Variants in MAP3K4 observed in about 807,000 individuals in gnomAD.
MAP3K4 encodes MAP three kinase 1.
A neutral mutation model predicts 185.6 loss-of-function variants in MAP3K4; 67 were observed. That is an observed-to-expected ratio of 0.36 (90% CI 0.30 to 0.44). The LOEUF is 0.44. Among genes scored for constraint, MAP3K4 ranks in the 20% least tolerant of loss-of-function variants. The pLI is 1.00. For synonymous variants in MAP3K4, 702 were observed against 710.4 expected, an observed-to-expected ratio of 0.99 and a Z score of 0.19; for missense variants, 1,551 against 1,995.1, an observed-to-expected ratio of 0.78 and a Z score of 4.24.
Position 161,088,340 on chromosome 6 carries a change from C to G in MAP3K4, c.2823+386C>G, listed in dbSNP as rs1785845125. Among the ~76,000 whole-genome samples the G allele has an allele frequency of 6.6e-6, 1 of 152,140 alleles. No homozygotes were observed. Among genetic ancestry groups the G allele is most frequent in the Non-Finnish European group, 1.5e-5 (1 of 68,036 alleles). On this transcript the variant is annotated intron_variant, in intron 10 of 26. Coordinates refer to ENST00000392142, the MANE Select transcript of MAP3K4 (RefSeq NM_005922.4). The surrounding 1 kb of genome is among the most constrained non-coding windows in gnomAD (Gnocchi z 4.5). ...TAATTTTAATTTTTTGTAGTGAAGG[C>G]TATCCCCTCCCTACCTAACAGGGAC...
At chr6:161,006,138 G>T (rs1436028141) in intron 1 of MAP3K4, among the ~76,000 whole-genome samples, 2 of 152,158 alleles carry the variant, frequency 1.3e-5, no homozygotes, top group South Asian at 2.1e-4. Flanking sequence ...GTTACTAAAG[G>T]TTTACCTAAA....
At chr6:161,001,020 A>G (rs1486989449) in intron 1 of MAP3K4, among the ~76,000 whole-genome samples, 1 of 17,518 alleles carries the variant, frequency 5.7e-5, no homozygotes, top group Non-Finnish European at 1.1e-4. Flanking sequence ...ATATGTATAT[A>G]ATATATATTA....
chr6:161,017,102 G>A lies in MAP3K4; in HGVS notation c.153-17157G>A, dbSNP rs139991346. Among the ~76,000 whole-genome samples the A allele has an allele frequency of 1.2e-4, 18 of 151,818 alleles. No homozygotes were observed. Among genetic ancestry groups the A allele is most frequent in the African/African-American group, 3.6e-4 (15 of 41,422 alleles). The stretch of plus-strand genomic sequence containing the variant: ...GCACTGAAAAAAGAATTTTAGAAGC[G>A]AAAAAAGAACAACAAAGGCCTTAGT... On this transcript the variant is annotated intron_variant, in intron 1 of 26. Transcript: ENST00000392142. This position sits in a 1 kb window ranked among gnomAD's most constrained non-coding sequence, Gnocchi z 5.1.
chr6:161,086,777 G>C lies in MAP3K4; in HGVS notation c.2556+110G>C. On this transcript the variant is annotated intron_variant, in intron 9 of 26. Coordinates refer to ENST00000392142, the MANE Select transcript of MAP3K4 (RefSeq NM_005922.4). This position sits in a 1 kb window ranked among gnomAD's most constrained non-coding sequence, Gnocchi z 4.8. ...ATAGTAAATATTACAGGCTCTGAAG[G>C]CTGTACCACAACCCCAGTTGTAAGA... is the stretch of plus-strand genomic sequence containing the variant. 2 of 772,936 alleles carry C rather than the reference G, an allele frequency of 2.6e-6. No individual in the cohort carries two copies. Among genetic ancestry groups the C allele is most frequent in the Non-Finnish European group, 4.2e-6 (2 of 480,648 alleles). The allele number at this position is 772,936 out of a possible 1,614,324, so 47.9% of individuals were successfully genotyped here.
chr6:161,012,152 G>A (rs913961510), intron 1 of MAP3K4, among the ~76,000 whole-genome samples: 15 of 152,204 alleles, frequency 9.9e-5, no homozygotes, highest in African/African-American at 3.6e-4. Flanking sequence ...GCTGCTTTAA[G>A]CTTGAAATCC....
rs201971297 is a variant in MAP3K4, at chr6:161,116,818, C to T, written c.4807-32C>T. 251 of 1,612,382 alleles carry T rather than the reference C, an allele frequency of 1.6e-4. No individual in the cohort carries two copies. The highest frequency in any genetic ancestry group is 5.0e-5 in the Admixed American group (3 of 59,968). Reference sequence around the variant, plus strand: ...ATGCACAAGCACACACCTGGCTCTGCAAGAGCTCAGCTCTCTCCTGCTTCC... The same window carrying T: ...ATGCACAAGCACACACCTGGCTCTGTAAGAGCTCAGCTCTCTCCTGCTTCC... On this transcript the variant is annotated intron_variant, in intron 26 of 26. Transcript: ENST00000392142. The surrounding 1 kb of genome is among the most constrained non-coding windows in gnomAD (Gnocchi z 6.2).
At chr6:161,014,693 G>T (rs1007235620) in intron 1 of MAP3K4, among the ~76,000 whole-genome samples, 1 of 152,200 alleles carries the variant, frequency 6.6e-6, no homozygotes, top group Non-Finnish European at 1.5e-5. Flanking sequence ...AATTCACATG[G>T]AGAGGAAGAG....
chr6:161,097,219 C>T lies in MAP3K4; in HGVS notation c.3524+43C>T. The T allele has an allele frequency of 6.6e-7, 1 of 1,510,910 alleles. No individual in the cohort carries two copies. The highest frequency in any genetic ancestry group is 1.1e-5 in the South Asian group (1 of 88,652). The allele number at this position is 1,510,910 out of a possible 1,614,324, so 93.6% of individuals were successfully genotyped here. A position where few individuals can be genotyped will look rare whatever the true frequency, so the allele number is the denominator to read the frequency against. ...AGTCATTTGCTTTACAGAGTGCCCT[C>T]CGATATGCATGCTCATACTTTTGAA... On this transcript the variant is annotated intron_variant, in intron 16 of 26. Transcript: ENST00000392142. The surrounding 1 kb of genome is among the most constrained non-coding windows in gnomAD (Gnocchi z 4.9).
At chr6:161,033,769 C>T (rs1206476064) in intron 1 of MAP3K4, among the ~76,000 whole-genome samples, 1 of 151,982 alleles carries the variant, frequency 6.6e-6, no homozygotes, top group Non-Finnish European at 1.5e-5. Context: ...GCAAAGTGCT[C>T]CTATACATTC....
In MAP3K4 at chr6:161,074,482, T is replaced by C. The variant is rs573872428; in HGVS notation, c.2097+870T>C. On this transcript the variant is annotated intron_variant, in intron 5 of 26. Coordinates refer to ENST00000392142, the MANE Select transcript of MAP3K4 (RefSeq NM_005922.4). This position sits in a 1 kb window ranked among gnomAD's most constrained non-coding sequence, Gnocchi z 5.0. The stretch of plus-strand genomic sequence containing the variant: ...ACAGTTTTAACTTTTAGTCTGTGTT[T>C]ATACCTTCTTTGAACTCTTTTTAGC... Among the ~76,000 whole-genome samples, 31 of 152,374 alleles carry C rather than the reference T, an allele frequency of 2.0e-4. 1 individual carries two copies. Among genetic ancestry groups the C allele is most frequent in the African/African-American group, 7.2e-4 (30 of 41,594 alleles).
Position 161,080,135 on chromosome 6 carries a change from G to T in MAP3K4, c.2098-746G>T, listed in dbSNP as rs1785379364. On this transcript the variant is annotated intron_variant, in intron 5 of 26. Coordinates refer to ENST00000392142, the MANE Select transcript of MAP3K4 (RefSeq NM_005922.4). The surrounding 1 kb of genome is among the most constrained non-coding windows in gnomAD (Gnocchi z 4.8). ...TGGAGTGATGTCTGAAAAGTTCCGA[G>T]AGAGAATGTGTGACTCAAATATCTC... Among the ~76,000 whole-genome samples the T allele has an allele frequency of 6.6e-6, 1 of 152,156 alleles. No individual in the cohort carries two copies. Among genetic ancestry groups the T allele is most frequent in the South Asian group, 2.1e-4 (1 of 4,826 alleles).
chr6:161,002,869 GC>G (rs1410186248), intron 1 of MAP3K4, among the ~76,000 whole-genome samples: 2 of 152,102 alleles, frequency 1.3e-5, no homozygotes, highest in African/African-American at 4.8e-5. Flanking sequence ...GGGATTACAG[GC>G]GTGAGCTCCC....
intron 6 of MAP3K4, among the ~76,000 whole-genome samples, chr6:161,081,403 ACT>A (rs1216574433): frequency 6.6e-6 from 1 of 151,434 alleles, no homozygotes; most frequent in Admixed American, 6.6e-5. Context: ...CCTAGAATAA[ACT>A]CTTTTTCCCC....
In MAP3K4 at chr6:161,116,772, C is replaced by T. The variant is rs568085680; in HGVS notation, c.4807-78C>T. ...CAGGATGAGTGGATGGGGCCTTCCC[C>T]GTAAGACTCATACTGCGCGTATGCA... On this transcript the variant is annotated intron_variant, in intron 26 of 26. Coordinates refer to ENST00000392142, the MANE Select transcript of MAP3K4 (RefSeq NM_005922.4). This position sits in a 1 kb window ranked among gnomAD's most constrained non-coding sequence, Gnocchi z 6.2. 41 of 1,318,614 alleles carry T rather than the reference C, an allele frequency of 3.1e-5. No individual in the cohort carries two copies. Among genetic ancestry groups the T allele is most frequent in the Non-Finnish European group, 3.5e-5 (32 of 915,352 alleles). The allele number at this position is 1,318,614 out of a possible 1,614,324, so 81.7% of individuals were successfully genotyped here. A position where few individuals can be genotyped will look rare whatever the true frequency, so the allele number is the denominator to read the frequency against.
At chr6:161,040,416 G>A (rs1783397917) in intron 2 of MAP3K4, among the ~76,000 whole-genome samples, 1 of 151,692 alleles carries the variant, frequency 6.6e-6, no homozygotes, top group Non-Finnish European at 1.5e-5. Context: ...AAAACGTGAG[G>A]AATCAAAGAA....
At chr6:161,050,580 G>T (rs1407295828) in intron 3 of MAP3K4, among the ~76,000 whole-genome samples, 1 of 152,172 alleles carries the variant, frequency 6.6e-6, no homozygotes, top group South Asian at 2.1e-4. Context: ...TATGTGTTTC[G>T]ATATGTGTAG....
At chr6:161,025,495 TAATGTTTTG>T (rs1015943429) in intron 1 of MAP3K4, among the ~76,000 whole-genome samples, 1 of 152,230 alleles carries the variant, frequency 6.6e-6, no homozygotes, top group African/African-American at 2.4e-5. Context: ...CAGTTGGAAC[TAATGTTTTG>T]AATGTGTGAT....
intron 11 of MAP3K4, 52 bp downstream of exon 11, chr6:161,089,523 C>T (rs758751003): frequency 3.1e-6 from 5 of 1,598,224 alleles, no homozygotes; most frequent in Non-Finnish European, 4.3e-6. Context: ...TGATGAAAGT[C>T]AGTGTGTGGT....
chr6:161,003,589 A>C lies in MAP3K4; in HGVS notation c.152+11506A>C, dbSNP rs376071565. 3.9e-5 allele frequency among the ~76,000 whole-genome samples: 6 copies of C among 152,304 alleles called. No homozygotes were observed. The East Asian group carries it at 5.8e-4, about 15-fold the overall frequency. ...AGTCCTTTTCCTTGGGTCCCAAGAC[A>C]GCTCTTCTTTGTTGAAGACAGGCAC... is the stretch of plus-strand genomic sequence containing the variant. On this transcript the variant is annotated intron_variant, in intron 1 of 26. Coordinates refer to ENST00000392142, the MANE Select transcript of MAP3K4 (RefSeq NM_005922.4).
Sources: gnomAD v4.1 joint callset for allele counts (sites outside exome capture counted in the v4.1 genomes callset) on GRCh38, gnomAD v4.1.1 for gene constraint, Gnocchi (gnomAD v3.1) non-coding constraint, MANE v1.5 for transcripts, NCBI Gene and HGNC (gene_info 2026-07-23, HGNC 2026-07-21) for gene names.